The following MMP26 variants were observed in gnomAD, a reference collection of about 807,000 sequenced individuals.
MMP26 encodes matrix metallopeptidase 26, also known as matrix metalloproteinase-26.
MMP26 carries 33 observed loss-of-function variants against 31.0 expected under a neutral mutation model. The ratio of observed to expected loss-of-function variants is 1.06; its 90% CI spans 0.81 to 1.42. The LOEUF is 1.42. Ranked by LOEUF, MMP26 falls within the 40% of genes most tolerant of loss-of-function variation. MMP26 has a pLI of 0.00. For missense variants in MMP26, 347 were observed against 316.1 expected (o/e 1.10, Z -0.74); for synonymous variants, 122 against 114.9 (o/e 1.06, Z -0.40).
intron 1 of MMP26, among the ~76,000 whole-genome samples, chr11:4,718,209 C>CGT (rs1040109487): frequency 6.6e-6 from 1 of 152,148 alleles, no homozygotes; most frequent in Non-Finnish European, 1.5e-5. Flanking sequence ...TAAAAGCTAG[C>CGT]GTAATTCAAT....
chr11:4,948,320 T>A lies in MMP26; in HGVS notation c.-144-39748T>A, dbSNP rs182657567. Among the ~76,000 whole-genome samples the A allele has an allele frequency of 7.7e-4, 96 of 125,066 alleles. 21 individuals are homozygous for A. The highest frequency in any genetic ancestry group is 2.4e-3 in the African/African-American group (89 of 37,024). The allele number at this position is 125,066 out of a possible 152,430, so 82.0% of individuals were successfully genotyped here. ...GATGATTTGGAATCTTGAAATTTTTTAAATAATATTATCAAGTTATATCAT... is the reference window on the plus strand; with the variant it reads ...GATGATTTGGAATCTTGAAATTTTTAAAATAATATTATCAAGTTATATCAT... On this transcript the variant is annotated intron_variant, in intron 2 of 7. Coordinates refer to ENST00000380390, the MANE Select transcript of MMP26 (RefSeq NM_021801.5).
chr11:4,771,321 C>G (rs374038282), intron 2 of MMP26, among the ~76,000 whole-genome samples: 1 of 152,156 alleles, frequency 6.6e-6, no homozygotes, highest in African/African-American at 2.4e-5. Flanking sequence ...TTTGCACTGA[C>G]ACTAGTAAGT....
rs190093120 is a variant in MMP26 at position 4,898,062 on chromosome 11, T to C, written c.-144-90006T>C. ...TTCCAGTTTCCTCCTTGTATTATTT[T>C]ATGTTGCCTAAAACTTTCCTTTAGC... is the stretch of plus-strand genomic sequence containing the variant. On this transcript the variant is annotated intron_variant, in intron 2 of 7. Transcript: ENST00000380390. Among the ~76,000 whole-genome samples the C allele has an allele frequency of 5.3e-5, 8 of 151,406 alleles. No homozygotes were observed. In the East Asian group the frequency reaches 1.5e-3, roughly 29 times the overall value.
At position 4,753,225 on chromosome 11, in the gene MMP26, C is replaced by T. The variant is rs562015288; in HGVS notation, c.-216-14045C>T. On this transcript the variant is annotated intron_variant, in intron 1 of 7. Transcript: ENST00000380390. ...CATCAGTGTCCTCTCGAATAGTAAC[C>T]ATTATTCTGACTTTTATTACCATAA... is the stretch of plus-strand genomic sequence containing the variant. Among the ~76,000 whole-genome samples, 15 of 152,114 alleles carry T rather than the reference C, an allele frequency of 9.9e-5. No homozygotes were observed. In the South Asian group the frequency reaches 3.1e-3, roughly 32 times the overall value.
chr11:4,801,880 G>A (rs571078220), intron 2 of MMP26, among the ~76,000 whole-genome samples: 4 of 151,850 alleles, frequency 2.6e-5, no homozygotes, highest in East Asian at 1.9e-4. Context: ...ATCTAACTGA[G>A]AAAGAACTCA....
At chr11:4,915,256 G>C in intron 2 of MMP26, 1 of 1,613,986 alleles carries the variant, frequency 6.2e-7, no homozygotes, top group Non-Finnish European at 8.5e-7. Flanking sequence ...TGGAAACATA[G>C]TGCAAGGGGT....
chr11:4,709,109 A>T (rs1168462182), intron 1 of MMP26, among the ~76,000 whole-genome samples: 2 of 152,100 alleles, frequency 1.3e-5, no homozygotes, highest in Non-Finnish European at 1.5e-5. Flanking sequence ...GGTCACATGG[A>T]CTTATAAACT....
chr11:4,853,911 A>G (rs1390113723), intron 2 of MMP26, among the ~76,000 whole-genome samples: 1 of 152,204 alleles, frequency 6.6e-6, no homozygotes, highest in Non-Finnish European at 1.5e-5. Context: ...ATTTGGCTAC[A>G]TAAAAAAAAA....
intron 2 of MMP26, among the ~76,000 whole-genome samples, chr11:4,835,011 A>T (rs1849697191): frequency 6.6e-6 from 1 of 152,142 alleles, no homozygotes; most frequent in South Asian, 2.1e-4. Context: ...ACATTCAAAC[A>T]TTCAGTAGGC....
intron 2 of MMP26, among the ~76,000 whole-genome samples, chr11:4,874,221 A>G (rs1255081034): frequency 6.6e-6 from 1 of 152,122 alleles, no homozygotes; most frequent in East Asian, 1.9e-4. Context: ...AAGTAAGGTG[A>G]AATTGTAATT....
chr11:4,731,624 T>C (rs1490927930), intron 1 of MMP26, among the ~76,000 whole-genome samples: 4 of 152,210 alleles, frequency 2.6e-5, no homozygotes, highest in Non-Finnish European at 5.9e-5. Flanking sequence ...CCTACGTATA[T>C]ACCTCTGGTG....
chr11:4,987,453 CTG>C (rs1846920028), intron 2 of MMP26, among the ~76,000 whole-genome samples: 1 of 151,364 alleles, frequency 6.6e-6, no homozygotes, highest in Non-Finnish European at 1.5e-5. Context: ...GAGTCTCCCT[CTG>C]TCGCCCAGGC....
intron 1 of MMP26, among the ~76,000 whole-genome samples, chr11:4,753,215 G>A (rs888373696): frequency 1.3e-5 from 2 of 151,916 alleles, no homozygotes; most frequent in African/African-American, 4.8e-5. Flanking sequence ...GTGTCCTCTC[G>A]AATAGTAACC....
chr11:4,802,756 C>T (rs7951201), intron 2 of MMP26, among the ~76,000 whole-genome samples: 55,954 of 151,998 alleles, frequency 0.37, 11,386 homozygotes, highest in African/African-American at 0.51. Flanking sequence ...TCTTTACGTA[C>T]GTATTCCAGT....
At chr11:4,835,352 G>A (rs1166047416) in intron 2 of MMP26, among the ~76,000 whole-genome samples, 1 of 152,082 alleles carries the variant, frequency 6.6e-6, no homozygotes, top group Non-Finnish European at 1.5e-5. Context: ...TCCACCTTCT[G>A]TGTACCACTG....
At chr11:4,957,384 A>G (rs1846458512) in intron 2 of MMP26, among the ~76,000 whole-genome samples, 1 of 152,204 alleles carries the variant, frequency 6.6e-6, no homozygotes, top group Non-Finnish European at 1.5e-5. Flanking sequence ...GAAAATTGGC[A>G]TTATTCTACA....
At chr11:4,719,176 C>T (rs1847976733) in intron 1 of MMP26, 2 of 154,984 alleles carry the variant, frequency 1.3e-5, no homozygotes, top group African/African-American at 4.8e-5. Context: ...TGTGATGAAG[C>T]TCTCATGCAC....
intron 1 of MMP26, among the ~76,000 whole-genome samples, chr11:4,725,602 A>G (rs560571819): frequency 6.6e-6 from 1 of 152,302 alleles, no homozygotes; most frequent in East Asian, 1.9e-4. Flanking sequence ...GTGCTGTTAA[A>G]TGGGGGTTCT....
intron 1 of MMP26, among the ~76,000 whole-genome samples, chr11:4,764,970 G>C (rs1848611313): frequency 6.6e-6 from 1 of 152,150 alleles, no homozygotes; most frequent in Non-Finnish European, 1.5e-5. Flanking sequence ...AACTTCAAGG[G>C]AGACACATGA....
Sources: allele counts gnomAD v4.1 joint callset (sites outside exome capture counted in the v4.1 genomes callset), GRCh38; gene constraint gnomAD v4.1.1; transcripts MANE v1.5; gene names NCBI Gene and HGNC (gene_info 2026-07-23, HGNC 2026-07-21).